Variants in SMAD7 observed in about 807,000 individuals in gnomAD.
SMAD7 encodes MAD (mothers against decapentaplegic, Drosophila) homolog 7.
Under a neutral mutation model 38.7 loss-of-function variants are expected in SMAD7, and 8 were observed. That is an observed-to-expected ratio of 0.21 (90% confidence interval 0.12 to 0.37). The LOEUF (loss-of-function observed/expected upper bound fraction) is 0.37, where lower values mean the gene tolerates loss of function less well. Among genes scored for constraint, SMAD7 ranks in the 10% least tolerant of loss-of-function variants. SMAD7 has a pLI of 1.00. For missense variants in SMAD7, 477 were observed against 577.9 expected, an observed-to-expected ratio of 0.83 and a Z score of 1.79; for synonymous variants, 327 against 265.1, an observed-to-expected ratio of 1.23 and a Z score of -2.27.
chr18:48,922,854 C>A (rs2143753627), intron 3 of SMAD7, among the ~76,000 whole-genome samples: 1 of 152,200 alleles, frequency 6.6e-6, no homozygotes, highest in East Asian at 1.9e-4. Context: ...CAGGCCCCGC[C>A]CCGCTTCCCT....
At chr18:48,945,807 C>T (rs1026432717) in intron 2 of SMAD7, among the ~76,000 whole-genome samples, 10 of 152,260 alleles carry the variant, frequency 6.6e-5, no homozygotes, top group African/African-American at 1.9e-4. Flanking sequence ...CAATGAAACA[C>T]GGGAAGCAGA....
chr18:48,950,274 C>G lies in SMAD7; in HGVS notation c.151G>C (p.Gly51Arg), dbSNP rs1209988822. 5 of 1,524,830 alleles carry G rather than the reference C, an allele frequency of 3.3e-6. No homozygotes were observed. In the Admixed American group the frequency reaches 8.1e-5, roughly 25 times the overall value. The allele number at this position is 1,524,830 out of a possible 1,614,324, so 94.5% of individuals were successfully genotyped here. A position where few individuals can be genotyped will look rare whatever the true frequency, so the allele number is the denominator to read the frequency against. ...GATDSRAHGAGGGGPGRAGCC... is the reference protein window; with the variant it reads ...GATDSRAHGARGGGPGRAGCC... ...CCAGCCCTGCCCGGGCCGCCGCCACCGGCCCCATGCGCTCGGCTGTCCGTC... is the reference window on the plus strand; with the variant it reads ...CCAGCCCTGCCCGGGCCGCCGCCACGGGCCCCATGCGCTCGGCTGTCCGTC... Residue 51 changes from glycine (G) to arginine (R), a missense_variant, in exon 1 of 4, where the codon GGT (glycine) becomes CGT (arginine). By Grantham distance (125) the Gly-to-Arg change is moderately radical. Coordinates refer to ENST00000262158, the MANE Select transcript of SMAD7 (RefSeq NM_005904.4).
intron 3 of SMAD7, among the ~76,000 whole-genome samples, chr18:48,932,480 T>C (rs2070013987): frequency 6.6e-6 from 1 of 152,092 alleles, no homozygotes; most frequent in Non-Finnish European, 1.5e-5. Context: ...CAAGATGAAA[T>C]TGGAATTGAG....
In SMAD7 at chr18:48,949,889, C is replaced by T. The variant is rs2070240860; in HGVS notation, c.536G>A (p.Cys179Tyr). The change falls in exon 1 of 4, where the codon TGC (cysteine) becomes TAC (tyrosine). Residue 179 changes from cysteine to tyrosine, a missense_variant. Cys to Tyr is a radical substitution (Grantham distance 194, BLOSUM62 -2). Transcript: ENST00000262158. ...RHSSEVKRLC[C>Y]CESYGKINPE... ...GTTGATCTTCCCGTAAGATTCACAG[C>T]AACACAGCCTCTTGACTTCCGAGGA... 6.2e-7 allele frequency: 1 copy of T among 1,613,782 alleles called. No individual in the cohort carries two copies.
chr18:48,945,311 A>C (rs2070183505), intron 2 of SMAD7, among the ~76,000 whole-genome samples: 1 of 152,086 alleles, frequency 6.6e-6, no homozygotes, highest in Admixed American at 6.6e-5. Flanking sequence ...AAATACAAAA[A>C]ATTAGCTGGG....
chr18:48,948,312 C>G, intron 2 of SMAD7, 72 bp downstream of exon 2: 1 of 1,139,096 alleles, frequency 8.8e-7, no homozygotes, highest in Non-Finnish European at 1.3e-6. Context: ...TGCCTACACA[C>G]AAAAAGCCAC....
intron 3 of SMAD7, among the ~76,000 whole-genome samples, chr18:48,931,635 C>T (rs1166408657): frequency 6.6e-6 from 1 of 152,242 alleles, no homozygotes; most frequent in Non-Finnish European, 1.5e-5. Context: ...ATAGGGGGAT[C>T]ATTCCCACAC....
At chr18:48,930,960 A>G (rs2143776976) in intron 3 of SMAD7, among the ~76,000 whole-genome samples, 1 of 152,378 alleles carries the variant, frequency 6.6e-6, no homozygotes, top group Middle Eastern at 3.4e-3. Flanking sequence ...GAATATTCAT[A>G]CAATAAAATA....
chr18:48,936,954 G>T (rs970841409), intron 3 of SMAD7, among the ~76,000 whole-genome samples: 4 of 151,938 alleles, frequency 2.6e-5, no homozygotes, highest in African/African-American at 9.7e-5. Flanking sequence ...GGTGGTGCAC[G>T]CCTGCAATCC....
At chr18:48,945,612 A>G (rs1439537786) in intron 2 of SMAD7, among the ~76,000 whole-genome samples, 1 of 152,202 alleles carries the variant, frequency 6.6e-6, no homozygotes, top group Non-Finnish European at 1.5e-5. Context: ...GAGGCCTAGA[A>G]AAGTTAAGAG....
chr18:48,936,115 CACCA>C (rs2070062965), intron 3 of SMAD7, among the ~76,000 whole-genome samples: 1 of 6,874 alleles, frequency 1.5e-4, no homozygotes, highest in Non-Finnish European at 2.3e-4. Flanking sequence ...CACACACACA[CACCA>C]CACACACACA....
At position 48,935,451 on chromosome 18, in the gene SMAD7, G is replaced by A. The variant is rs1272303477; in HGVS notation, c.742+7030C>T. Among the ~76,000 whole-genome samples, 4 of 152,244 alleles carry A rather than the reference G, an allele frequency of 2.6e-5. No homozygotes were observed. In the South Asian group the frequency reaches 6.2e-4, roughly 24 times the overall value. On this transcript the variant is annotated intron_variant, in intron 3 of 3. Coordinates refer to ENST00000262158, the MANE Select transcript of SMAD7 (RefSeq NM_005904.4). ...TACAGTATCCTTTCACGAGGCTCCCGCAAAGGGAGGGTGCCCGGGCCAGTC... is the reference window on the plus strand; with the variant it reads ...TACAGTATCCTTTCACGAGGCTCCCACAAAGGGAGGGTGCCCGGGCCAGTC...
chr18:48,925,485 G>T (rs530614825), intron 3 of SMAD7, among the ~76,000 whole-genome samples: 1 of 152,068 alleles, frequency 6.6e-6, no homozygotes, highest in South Asian at 2.1e-4. Context: ...TCCCTTTAAA[G>T]GGAAGGGGGA....
At chr18:48,932,928 T>TCC (rs2070019818) in intron 3 of SMAD7, among the ~76,000 whole-genome samples, 1 of 152,164 alleles carries the variant, frequency 6.6e-6, no homozygotes, top group Non-Finnish European at 1.5e-5. Context: ...ATACTGTCTT[T>TCC]CCAGATGTTT....
chr18:48,940,597 A>G lies in SMAD7; in HGVS notation c.742+1884T>C, dbSNP rs529838137. Among the ~76,000 whole-genome samples, 3 of 152,188 alleles carry G rather than the reference A, an allele frequency of 2.0e-5. No individual in the cohort carries two copies. The South Asian group carries it at 6.2e-4, about 32-fold the overall frequency. Reference sequence around the variant, plus strand: ...GAAACCCCATCTCTACTAAAAATACAAAAAATTAGCTGGGCACAGTGGTGG... The same window carrying G: ...GAAACCCCATCTCTACTAAAAATACGAAAAATTAGCTGGGCACAGTGGTGG... On this transcript the variant is annotated intron_variant, in intron 3 of 3. Transcript: ENST00000262158.
At chr18:48,923,304 T>G (rs922944321) in intron 3 of SMAD7, among the ~76,000 whole-genome samples, 2 of 152,052 alleles carry the variant, frequency 1.3e-5, no homozygotes, top group Non-Finnish European at 2.9e-5. Flanking sequence ...GTAACTGGGT[T>G]CAGAGTCAAT....
intron 3 of SMAD7, among the ~76,000 whole-genome samples, chr18:48,924,423 G>A (rs929342207): frequency 2.0e-5 from 3 of 152,210 alleles, no homozygotes; most frequent in Admixed American, 1.3e-4. Context: ...TCTGCCAAGG[G>A]TGGGGGCCTC....
At chr18:48,947,382 G>A (rs1330924794) in intron 2 of SMAD7, among the ~76,000 whole-genome samples, 1 of 152,228 alleles carries the variant, frequency 6.6e-6, no homozygotes, top group Non-Finnish European at 1.5e-5. Context: ...AGGCCCAACA[G>A]CCAAAACGCA....
chr18:48,921,995 C>G lies in SMAD7; in HGVS notation c.743-85G>C. 1 of 1,016,384 alleles carries G rather than the reference C, an allele frequency of 9.8e-7. No individual in the cohort carries two copies. Among genetic ancestry groups the G allele is most frequent in the East Asian group, 2.4e-5 (1 of 41,250 alleles). 63.0% of individuals were successfully genotyped at this position (1,016,384 alleles called of 1,614,324 possible). The stretch of plus-strand genomic sequence containing the variant: ...AAGACACCCGCCCCCCCACTGCACC[C>G]AGTCACCAGCTCATCTCTCAGGACG... On this transcript the variant is annotated intron_variant, in intron 3 of 3. Transcript: ENST00000262158. The surrounding 1 kb of genome is among the most constrained non-coding windows in gnomAD (Gnocchi z 6.4).
Sources: allele counts gnomAD v4.1 joint callset (sites outside exome capture counted in the v4.1 genomes callset), GRCh38; gene constraint gnomAD v4.1.1; non-coding constraint Gnocchi (gnomAD v3.1); transcripts MANE v1.5; gene names NCBI Gene and HGNC (gene_info 2026-07-23, HGNC 2026-07-21).